TCF12: variants seen among roughly 807,000 people sequenced by gnomAD.
TCF12 encodes DNA-binding protein HTF4.
A neutral mutation model predicts 86.0 loss-of-function variants in TCF12; 45 were observed. That is an observed-to-expected ratio of 0.52 (90% CI 0.41 to 0.67). TCF12 has a LOEUF of 0.67. Among genes scored for constraint, TCF12 ranks in the 30% least tolerant of loss-of-function variants. TCF12 has a pLI of 0.00. For synonymous variants in TCF12, 330 were observed against 299.6 expected, an observed-to-expected ratio of 1.10 and a Z score of -1.05; for missense variants, 881 against 859.9, an observed-to-expected ratio of 1.02 and a Z score of -0.31.
intron 3 of TCF12, among the ~76,000 whole-genome samples, chr15:56,963,296 A>G (rs1429356451): frequency 6.6e-6 from 1 of 152,134 alleles, no homozygotes; most frequent in African/African-American, 2.4e-5. Context: ...GAAGTATTTT[A>G]CATCTGGAAA....
intron 8 of TCF12, among the ~76,000 whole-genome samples, chr15:57,219,987 A>G (rs2058513739): frequency 6.6e-6 from 1 of 152,044 alleles, no homozygotes; most frequent in South Asian, 2.1e-4. Context: ...CGGCCTCCCA[A>G]AATGCTGGAA....
intron 3 of TCF12, among the ~76,000 whole-genome samples, chr15:57,040,131 T>C (rs1034367415): frequency 1.3e-5 from 2 of 152,240 alleles, no homozygotes. Context: ...TTTCTTTCTT[T>C]TGAAAAAGTA....
chr15:57,208,829 C>T (rs2057980077), intron 8 of TCF12, among the ~76,000 whole-genome samples: 2 of 152,080 alleles, frequency 1.3e-5, no homozygotes, highest in African/African-American at 4.8e-5. Flanking sequence ...AGTCCTCCCA[C>T]CTCAGCCTCC....
chr15:56,920,197 G>C (rs540405322), intron 2 of TCF12, among the ~76,000 whole-genome samples: 2 of 152,196 alleles, frequency 1.3e-5, no homozygotes, highest in South Asian at 4.2e-4. Context: ...GTCTAGACTT[G>C]CACATTTAAA....
At chr15:57,258,033 C>T (rs1036079561) in intron 16 of TCF12, among the ~76,000 whole-genome samples, 1 of 152,040 alleles carries the variant, frequency 6.6e-6, no homozygotes, top group Non-Finnish European at 1.5e-5. Flanking sequence ...TGTATGGTGG[C>T]TTACACCTGT....
intron 5 of TCF12, among the ~76,000 whole-genome samples, chr15:57,158,520 G>C (rs2054280854): frequency 6.6e-6 from 1 of 152,144 alleles, no homozygotes; most frequent in African/African-American, 2.4e-5. Flanking sequence ...GCCCAGGTCT[G>C]ACTGTGTGCT....
At chr15:57,005,270 T>A (rs78991598) in intron 3 of TCF12, among the ~76,000 whole-genome samples, 2,088 of 152,310 alleles carry the variant, frequency 0.014, 58 homozygotes, top group African/African-American at 0.044. Flanking sequence ...TTAGCATACC[T>A]CTTTAATACT....
rs1187868776 is a variant in TCF12 at position 57,126,547 on chromosome 15, T to C, written c.325+34656T>C. ...AAAAACTAAAACCCTTCCTTTAATC[T>C]ACATATTGGAAAAACCTCAGTTGCT... On this transcript the variant is annotated intron_variant, in intron 5 of 20. Transcript: ENST00000333725. Among the ~76,000 whole-genome samples, 6 of 151,412 alleles carry C rather than the reference T, an allele frequency of 4.0e-5. No homozygotes were observed. In the South Asian group the frequency reaches 1.2e-3, roughly 31 times the overall value.
At chr15:57,183,481 CTT>C (rs2056483974) in intron 6 of TCF12, among the ~76,000 whole-genome samples, 1 of 152,154 alleles carries the variant, frequency 6.6e-6, no homozygotes, top group Non-Finnish European at 1.5e-5. Flanking sequence ...CCCCTATTCT[CTT>C]GCGTATTTCC....
chr15:56,952,328 T>G (rs1429987112), intron 3 of TCF12, among the ~76,000 whole-genome samples: 1 of 151,982 alleles, frequency 6.6e-6, no homozygotes, highest in Non-Finnish European at 1.5e-5. Context: ...TTGTATAGTC[T>G]TCCAGATTTG....
chr15:56,962,955 T>C (rs1642930), intron 3 of TCF12, among the ~76,000 whole-genome samples: 11,613 of 152,058 alleles, frequency 0.076, 626 homozygotes, highest in Non-Finnish European at 0.11. Flanking sequence ...GCTCATGATT[T>C]ATATATTTAA....
intron 3 of TCF12, among the ~76,000 whole-genome samples, chr15:57,057,538 T>G (rs948768379): frequency 6.6e-6 from 1 of 152,246 alleles, no homozygotes; most frequent in African/African-American, 2.4e-5. Flanking sequence ...CTTTATGTAG[T>G]TGATAGCAAG....
chr15:57,165,136 G>GTC (rs751765733), intron 5 of TCF12, among the ~76,000 whole-genome samples: 286 of 81,430 alleles, frequency 3.5e-3, no homozygotes, highest in Admixed American at 7.6e-3. Context: ...ATGTATGTCT[G>GTC]TGTGTGTGTG....
Position 57,191,792 on chromosome 15 carries a change from GGCAT to G in TCF12, c.391-364_391-361del, listed in dbSNP as rs2056991375. 5.9e-5 allele frequency among the ~76,000 whole-genome samples: 9 copies of G among 152,148 alleles called. No individual in the cohort carries two copies. In the South Asian group the frequency reaches 1.9e-3, roughly 32 times the overall value. ...GTCTCTACTAAACATACAAAAATTA[GGCAT>G]GGTGGTGCGCGCCTGTAATCCCAGC... is the stretch of plus-strand genomic sequence containing the variant. On this transcript the variant is annotated intron_variant, in intron 6 of 20. Transcript: ENST00000333725.
At chr15:57,065,861 A>T (rs1315755685) in intron 4 of TCF12, among the ~76,000 whole-genome samples, 1 of 152,156 alleles carries the variant, frequency 6.6e-6, no homozygotes, top group African/African-American at 2.4e-5. Context: ...TAAATTGATT[A>T]TATAGTAAGC....
At chr15:57,174,677 A>G (rs766848462) in intron 6 of TCF12, among the ~76,000 whole-genome samples, 4 of 152,250 alleles carry the variant, frequency 2.6e-5, no homozygotes, top group Non-Finnish European at 4.4e-5. Flanking sequence ...ACTTTTAGCT[A>G]TATCACAGGA....
intron 3 of TCF12, among the ~76,000 whole-genome samples, chr15:56,992,274 G>GTAAA (rs1303725453): frequency 6.6e-6 from 1 of 152,096 alleles, no homozygotes; most frequent in Non-Finnish European, 1.5e-5. Context: ...CTGTCTCACA[G>GTAAA]TAAATAAATA....
intron 5 of TCF12, among the ~76,000 whole-genome samples, chr15:57,103,905 G>C (rs755851186): frequency 3.3e-5 from 5 of 152,134 alleles, no homozygotes; most frequent in Non-Finnish European, 5.9e-5. Flanking sequence ...CTACTCAGGA[G>C]GCTGAGGTGG....
At chr15:57,282,876 T>C (rs1217659253) in intron 20 of TCF12, among the ~76,000 whole-genome samples, 1 of 152,232 alleles carries the variant, frequency 6.6e-6, no homozygotes, top group Non-Finnish European at 1.5e-5. Flanking sequence ...CATGAGTATC[T>C]TCCTGATCCA....
Sources: gnomAD v4.1 joint callset for allele counts (sites outside exome capture counted in the v4.1 genomes callset) on GRCh38, gnomAD v4.1.1 for gene constraint, MANE v1.5 for transcripts, NCBI Gene and HGNC (gene_info 2026-07-23, HGNC 2026-07-21) for gene names.